The following MAP4K4 variants were observed in gnomAD, a reference collection of about 807,000 sequenced individuals.
MAP4K4 encodes the protein mitogen-activated protein kinase kinase kinase kinase 4.
In MAP4K4, 38 loss-of-function variants were observed where a neutral mutation model predicts 189.6. The ratio of observed to expected loss-of-function variants is 0.20; its 90% CI spans 0.15 to 0.26. The LOEUF (loss-of-function observed/expected upper bound fraction) is 0.26, where lower values mean the gene tolerates loss of function less well. MAP4K4 is among the 10% of genes least tolerant of loss of function. The probability of loss-of-function intolerance (pLI) is 1.00; values close to 1 mark genes in which losing one functional copy is unlikely to be tolerated. For synonymous variants in MAP4K4, 610 were observed against 624.3 expected, an observed-to-expected ratio of 0.98 and a Z score of 0.34; for missense variants, 1,054 against 1,726.9, an observed-to-expected ratio of 0.61 and a Z score of 6.91.
intron 3 of MAP4K4, among the ~76,000 whole-genome samples, chr2:101,803,306 T>G (rs2094571502): frequency 1.4e-5 from 2 of 142,446 alleles, no homozygotes; most frequent in African/African-American, 6.2e-5. Context: ...TGTCTGTGTC[T>G]GTGTCTGTCT....
At chr2:101,821,470 G>T (rs947841566) in intron 3 of MAP4K4, among the ~76,000 whole-genome samples, 2 of 152,188 alleles carry the variant, frequency 1.3e-5, no homozygotes, top group Non-Finnish European at 2.9e-5. Flanking sequence ...ACTGAATAGT[G>T]TAGGCAATTG....
At chr2:101,732,986 G>A (rs1208262869) in intron 2 of MAP4K4, among the ~76,000 whole-genome samples, 1 of 152,236 alleles carries the variant, frequency 6.6e-6, no homozygotes, top group African/African-American at 2.4e-5. Context: ...CAGCTGTCCT[G>A]TCAGCCCGAG....
chr2:101,737,282 G>C (rs2060601558), intron 2 of MAP4K4, among the ~76,000 whole-genome samples: 1 of 151,494 alleles, frequency 6.6e-6, no homozygotes, highest in Non-Finnish European at 1.5e-5. Flanking sequence ...GCTCTAACAA[G>C]CTGCCACCCT....
rs139633288 is a variant in MAP4K4 at position 101,844,095 on chromosome 2, C to T, written c.1023-6C>T. ...ACACCCCTGAAAGCCCTGCTTTTTC[C>T]AACAGTTCCATTGTGAACGTGCCTG... On this transcript the variant is annotated splice_region_variant and splice_polypyrimidine_tract_variant and intron_variant, in intron 11 of 32. Transcript: ENST00000324219. 1,223 of 1,607,180 alleles carry T rather than the reference C, an allele frequency of 7.6e-4. 6 individuals carry two copies. The African/African-American group carries it at 0.014, about 19-fold the overall frequency.
intron 2 of MAP4K4, among the ~76,000 whole-genome samples, chr2:101,704,519 TTA>T (rs1162652080): frequency 2.9e-5 from 2 of 68,586 alleles, no homozygotes; most frequent in East Asian, 5.3e-4. Context: ...AACCAATATT[TTA>T]TGTGTGTGTG....
At chr2:101,734,609 G>A (rs796466857) in intron 2 of MAP4K4, among the ~76,000 whole-genome samples, 6 of 152,256 alleles carry the variant, frequency 3.9e-5, no homozygotes, top group African/African-American at 1.4e-4. Flanking sequence ...GCCAATTCCT[G>A]CATATTGCTC....
At chr2:101,883,235 A>C (rs1331903790) in intron 28 of MAP4K4, among the ~76,000 whole-genome samples, 1 of 152,256 alleles carries the variant, frequency 6.6e-6, no homozygotes, top group African/African-American at 2.4e-5. Context: ...AAGTGAGCCC[A>C]GCTGGCCAGT....
rs562847872 is a variant in MAP4K4 at position 101,702,751 on chromosome 2, C to T, written c.123+4213C>T. ...ACCATAGATTTTGTGGAAGACTGAC[C>T]CATTCTGATCTTGTCATTGGAGGAA... On this transcript the variant is annotated intron_variant, in intron 2 of 32. Coordinates refer to ENST00000324219, the Ensembl canonical transcript of MAP4K4. Among the ~76,000 whole-genome samples the T allele has an allele frequency of 2.6e-5, 4 of 152,176 alleles. No individual in the cohort carries two copies. The South Asian group carries it at 8.3e-4, about 32-fold the overall frequency.
At chr2:101,805,749 C>T (rs186387598) in intron 3 of MAP4K4, among the ~76,000 whole-genome samples, 2 of 152,294 alleles carry the variant, frequency 1.3e-5, no homozygotes, top group Admixed American at 6.5e-5. Context: ...ACGTTGCTGG[C>T]GTGTGATGAC....
intron 3 of MAP4K4, among the ~76,000 whole-genome samples, chr2:101,811,370 C>CAAAA (rs71378177): frequency 0.018 from 1,233 of 68,664 alleles, 132 homozygotes; most frequent in African/African-American, 0.053. Context: ...GACTGCGTCT[C>CAAAA]AAAAAAAAAA....
At chr2:101,873,337 TTTAC>T (rs1432019701) in intron 24 of MAP4K4, among the ~76,000 whole-genome samples, 6 of 152,086 alleles carry the variant, frequency 3.9e-5, no homozygotes, top group Non-Finnish European at 8.8e-5. Context: ...ATTATAAGTA[TTTAC>T]TTAATTTTTT....
rs183081854 is a variant in MAP4K4, at chr2:101,728,729, G to A, written c.123+30191G>A. Among the ~76,000 whole-genome samples, 24 of 152,236 alleles carry A rather than the reference G, an allele frequency of 1.6e-4. No individual in the cohort carries two copies. In the East Asian group the frequency reaches 4.6e-3, roughly 29 times the overall value. On this transcript the variant is annotated intron_variant, in intron 2 of 32. Transcript: ENST00000324219. ...AGACGGGGTTTCACCAGGTTGTCCAGGCTAGTCTCAAACTCCTGACCTCAA... is the reference window on the plus strand; with the variant it reads ...AGACGGGGTTTCACCAGGTTGTCCAAGCTAGTCTCAAACTCCTGACCTCAA...
chr2:101,865,028 C>T, exon 18 of MAP4K4: 1 of 1,560,928 alleles, frequency 6.4e-7, no homozygotes, highest in East Asian at 2.4e-5. Context: ...GACAGAGAAA[C>T]TCCACCAGGT....
chr2:101,739,478 C>G (rs2061719570), intron 2 of MAP4K4, among the ~76,000 whole-genome samples: 1 of 152,048 alleles, frequency 6.6e-6, no homozygotes, highest in South Asian at 2.1e-4. Context: ...CTCTGTAATA[C>G]TTGGTGTGCT....
At chr2:101,874,128 T>A in exon 26 of MAP4K4, 1 of 1,613,894 alleles carries the variant, frequency 6.2e-7, no homozygotes, top group Non-Finnish European at 8.5e-7. Flanking sequence ...TAAGGCAAGA[T>A]CCTACCCGGA....
intron 2 of MAP4K4, among the ~76,000 whole-genome samples, chr2:101,743,836 G>A (rs149426386): frequency 6.6e-6 from 1 of 152,038 alleles, no homozygotes; most frequent in African/African-American, 2.4e-5. Flanking sequence ...TTTTGTATTT[G>A]TAGTAGAGAC....
chr2:101,844,358 C>A, intron 12 of MAP4K4, 47 bp downstream of exon 12: 1 of 1,477,206 alleles, frequency 6.8e-7, no homozygotes, highest in Non-Finnish European at 9.2e-7. Context: ...TCTCTTTCTG[C>A]ATTTACACTG....
At chr2:101,794,638 G>A (rs1294643248) in intron 3 of MAP4K4, among the ~76,000 whole-genome samples, 3 of 152,040 alleles carry the variant, frequency 2.0e-5, no homozygotes, top group Non-Finnish European at 4.4e-5. Flanking sequence ...AGTCTTCTAC[G>A]TATCATAAAA....
intron 3 of MAP4K4, among the ~76,000 whole-genome samples, chr2:101,803,168 C>T (rs1391182867): frequency 6.6e-6 from 1 of 152,128 alleles, no homozygotes; most frequent in African/African-American, 2.4e-5. Context: ...GTCGAATGAA[C>T]AGTGCCTCCC....
Sources: allele counts gnomAD v4.1 joint callset (sites outside exome capture counted in the v4.1 genomes callset), GRCh38; gene constraint gnomAD v4.1.1; transcripts MANE v1.5; gene names NCBI Gene and HGNC (gene_info 2026-07-23, HGNC 2026-07-21).